Variants in FER observed in about 807,000 individuals in gnomAD.
FER encodes the protein FER tyrosine kinase.
A neutral mutation model predicts 111.0 loss-of-function variants in FER; 63 were observed. That is an observed-to-expected ratio of 0.57 (90% CI 0.46 to 0.70). The LOEUF (loss-of-function observed/expected upper bound fraction) is 0.70, where lower values mean the gene tolerates loss of function less well. Among genes scored for constraint, FER ranks in the 30% least tolerant of loss-of-function variants. The probability of loss-of-function intolerance (pLI) is 0.00; values close to 1 mark genes in which losing one functional copy is unlikely to be tolerated. For synonymous variants in FER, 327 were observed against 313.9 expected (o/e 1.04, Z -0.44); for missense variants, 914 against 954.0 (o/e 0.96, Z 0.55).
chr5:108,924,554 C>A, intron 10 of FER: 1 of 1,196,902 alleles, frequency 8.4e-7, no homozygotes, highest in East Asian at 3.2e-5. Context: ...AATAGGAGAT[C>A]CAGATTTGCA....
At chr5:108,963,298 C>T (rs564172117) in intron 13 of FER, among the ~76,000 whole-genome samples, 22 of 152,206 alleles carry the variant, frequency 1.4e-4, no homozygotes, top group African/African-American at 4.3e-4. Flanking sequence ...TGCAGTGGCT[C>T]GTGCCTGTAA....
chr5:109,065,134 A>G (rs1459462320), intron 16 of FER, among the ~76,000 whole-genome samples: 2 of 152,152 alleles, frequency 1.3e-5, no homozygotes, highest in African/African-American at 4.8e-5. Context: ...TATCCAATAT[A>G]TATGAAACTA....
intron 17 of FER, among the ~76,000 whole-genome samples, chr5:109,116,485 G>A (rs1245555757): frequency 6.6e-6 from 1 of 150,958 alleles, no homozygotes; most frequent in Non-Finnish European, 1.5e-5. Context: ...ATTTCTGTTT[G>A]AAAGTATATT....
In FER at chr5:108,997,671, C is replaced by T. The variant is rs371587476; in HGVS notation, c.1656+38324C>T. ...AGCTCCGGTGCTGTGCTGGGAGATC[C>T]GCTGCTCTCTTCAGAGCCATCAGGC... On this transcript the variant is annotated intron_variant, in intron 13 of 19. Transcript: ENST00000281092. 5.3e-5 allele frequency among the ~76,000 whole-genome samples: 8 copies of T among 152,200 alleles called. No individual in the cohort carries two copies. The South Asian group carries it at 8.3e-4, about 16-fold the overall frequency.
chr5:108,950,490 A>G (rs1757574029), intron 11 of FER, among the ~76,000 whole-genome samples: 1 of 152,174 alleles, frequency 6.6e-6, no homozygotes, highest in Admixed American at 6.5e-5. Flanking sequence ...TTTACTGCTA[A>G]AAAATCAGAA....
chr5:108,937,429 A>C (rs1755622521), intron 10 of FER, among the ~76,000 whole-genome samples: 1 of 152,046 alleles, frequency 6.6e-6, no homozygotes. Flanking sequence ...AGCTCAGTGA[A>C]AAAAGTTTAA....
chr5:109,105,207 A>T (rs948464396), intron 17 of FER, among the ~76,000 whole-genome samples: 1 of 150,012 alleles, frequency 6.7e-6, no homozygotes, highest in African/African-American at 2.5e-5. Context: ...AGTTAAATGT[A>T]AGATACTGCT....
At chr5:109,069,156 A>G (rs1017993201) in intron 16 of FER, among the ~76,000 whole-genome samples, 3 of 152,146 alleles carry the variant, frequency 2.0e-5, no homozygotes, top group African/African-American at 7.2e-5. Flanking sequence ...CTAGGGAAAA[A>G]TCATACAAAT....
At chr5:108,826,853 C>T (rs1759525844) in intron 3 of FER, among the ~76,000 whole-genome samples, 1 of 152,136 alleles carries the variant, frequency 6.6e-6, no homozygotes, top group Non-Finnish European at 1.5e-5. Flanking sequence ...TTCCATAGCA[C>T]CTTGTTCTTT....
chr5:108,957,296 T>C (rs1301880829), intron 12 of FER, among the ~76,000 whole-genome samples: 1 of 151,600 alleles, frequency 6.6e-6, no homozygotes, highest in Non-Finnish European at 1.5e-5. Context: ...ATACAAAGTA[T>C]AAATAGACAT....
At chr5:108,850,618 A>G (rs1762460565) in intron 5 of FER, among the ~76,000 whole-genome samples, 1 of 152,220 alleles carries the variant, frequency 6.6e-6, no homozygotes, top group South Asian at 2.1e-4. Context: ...ATTAGAAAAC[A>G]TTAAACTTTT....
At chr5:109,058,026 A>C (rs1773868065) in intron 16 of FER, among the ~76,000 whole-genome samples, 2 of 152,190 alleles carry the variant, frequency 1.3e-5, no homozygotes, top group African/African-American at 2.4e-5. Flanking sequence ...TTCATGATCA[A>C]GTGGGATTTA....
intron 1 of FER, among the ~76,000 whole-genome samples, chr5:108,752,265 T>C (rs1234845028): frequency 6.6e-6 from 1 of 152,072 alleles, no homozygotes; most frequent in African/African-American, 2.4e-5. Flanking sequence ...TTTTGTTTGA[T>C]TATAAATGTT....
intron 13 of FER, among the ~76,000 whole-genome samples, chr5:108,981,026 C>T (rs527414119): frequency 4.4e-4 from 67 of 152,162 alleles, no homozygotes; most frequent in Middle Eastern, 3.4e-3. Flanking sequence ...GATTGACCCA[C>T]GGTTGCCAAA....
intron 10 of FER, among the ~76,000 whole-genome samples, chr5:108,902,314 A>G (rs1750151998): frequency 6.6e-6 from 1 of 152,172 alleles, no homozygotes; most frequent in Admixed American, 6.5e-5. Context: ...AGTCATATTT[A>G]TTTTGCTAGG....
At chr5:108,902,935 A>C (rs1750246171) in intron 10 of FER, among the ~76,000 whole-genome samples, 1 of 151,850 alleles carries the variant, frequency 6.6e-6, no homozygotes, top group Non-Finnish European at 1.5e-5. Flanking sequence ...TTATTAAGAG[A>C]CATGTTCTTC....
intron 10 of FER, among the ~76,000 whole-genome samples, chr5:108,930,335 C>T (rs1581246311): frequency 1.7e-5 from 2 of 116,248 alleles, no homozygotes; most frequent in Non-Finnish European, 3.6e-5. Flanking sequence ...CTTTCTTATC[C>T]CCTCCCCTCC....
Position 109,100,528 on chromosome 5 carries a change from A to G in FER, c.2048+9A>G. ...AAAAACTGTATACACAGGTAAGGAG[A>G]ACATTTTTAAAGCAATTTTTGGTTT... On this transcript the variant is annotated intron_variant, in intron 17 of 19. Transcript: ENST00000281092. 6.3e-7 allele frequency: 1 copy of G among 1,591,176 alleles called. No homozygotes were observed. Among genetic ancestry groups the G allele is most frequent in the Middle Eastern group, 1.7e-4 (1 of 5,878 alleles).
chr5:108,946,402 T>C (rs1219843689), intron 11 of FER, among the ~76,000 whole-genome samples, 180 bp downstream of exon 11: 1 of 151,882 alleles, frequency 6.6e-6, no homozygotes, highest in African/African-American at 2.4e-5. Flanking sequence ...CATATGAATC[T>C]GTCTATATAT....
Sources: gnomAD v4.1 joint callset for allele counts (sites outside exome capture counted in the v4.1 genomes callset) on GRCh38, gnomAD v4.1.1 for gene constraint, MANE v1.5 for transcripts, NCBI Gene and HGNC (gene_info 2026-07-23, HGNC 2026-07-21) for gene names.